The following CC2D2A variants were observed in gnomAD, a reference collection of about 807,000 sequenced individuals.
The protein encoded by CC2D2A is coiled-coil and C2 domain-containing protein 2A.
CC2D2A carries 155 observed loss-of-function variants against 212.9 expected under a neutral mutation model. That is an observed-to-expected ratio of 0.73 (90% CI 0.64 to 0.83). CC2D2A has a LOEUF of 0.83. Ranked by LOEUF, CC2D2A falls within the 40% of genes least tolerant of loss-of-function variation. The pLI is 0.00. For synonymous variants in CC2D2A, 667 were observed against 686.5 expected (o/e 0.97, Z 0.44); for missense variants, 1,856 against 1,956.2 (o/e 0.95, Z 0.97).
intron 4 of CC2D2A, among the ~76,000 whole-genome samples, chr4:15,486,167 G>A (rs1180114085): frequency 6.6e-6 from 1 of 151,986 alleles, no homozygotes; most frequent in Non-Finnish European, 1.5e-5. Context: ...GGATAATACT[G>A]CCCTTGTACC....
At chr4:15,556,499 T>C (rs1719288008) in intron 20 of CC2D2A, among the ~76,000 whole-genome samples, 1 of 152,226 alleles carries the variant, frequency 6.6e-6, no homozygotes, top group South Asian at 2.1e-4. Context: ...CACGTCACTT[T>C]CATTATTTTC....
In CC2D2A at chr4:15,575,512, G is replaced by C. The variant is rs1200911963; in HGVS notation, c.3771+1186G>C. Among the ~76,000 whole-genome samples the C allele has an allele frequency of 4.6e-5, 7 of 152,276 alleles. 1 individual carries two copies. In the South Asian group the frequency reaches 1.2e-3, roughly 27 times the overall value. Reference sequence around the variant, plus strand: ...GTTAACTACTAACCTATAGTGCACAGATTATTGTGCTTACTCTAGTCTATC... The same window carrying C: ...GTTAACTACTAACCTATAGTGCACACATTATTGTGCTTACTCTAGTCTATC... On this transcript the variant is annotated intron_variant, in intron 29 of 36. Transcript: ENST00000424120.
chr4:15,574,024 T>C (rs537332508), intron 28 of CC2D2A, 126 bp from the exon 29 acceptor site: 4 of 683,210 alleles, frequency 5.9e-6, no homozygotes. Context: ...AAAGATGGGA[T>C]TGGCTTTGAA....
In CC2D2A at chr4:15,555,106, G is replaced by T. The variant is rs1719211314; in HGVS notation, c.2521G>T (p.Gly841Cys). 9 of 1,613,518 alleles carry T rather than the reference G, an allele frequency of 5.6e-6. No homozygotes were observed. Among genetic ancestry groups the T allele is most frequent in the Non-Finnish European group, 7.6e-6 (9 of 1,179,718 alleles). ...GAAAGCAGATGCCATCTCATCTATT[G>T]GCACATCAGGACTGACAGACATGAA... ...LKKADAISSI[G>C]TSGLTDMKKL... Residue 841 changes from glycine to cysteine, a missense_variant, in exon 20 of 37, where the codon GGC becomes TGC. Physicochemically the swap from Gly to Cys is radical, Grantham distance 159. This residue lies in a region of CC2D2A where 1,512 missense variants were observed against 1,579.3 expected (regional missense o/e 0.96). Coordinates refer to ENST00000424120, the MANE Select transcript of CC2D2A (RefSeq NM_001378615.1).
intron 13 of CC2D2A, among the ~76,000 whole-genome samples, chr4:15,529,752 T>C (rs1160535050): frequency 6.6e-6 from 1 of 151,336 alleles, no homozygotes; most frequent in Non-Finnish European, 1.5e-5. Context: ...AAATATTATA[T>C]TTGTGTACCT....
At chr4:15,529,706 AAATTCTACTGT>A (rs1478869708) in intron 13 of CC2D2A, among the ~76,000 whole-genome samples, 1 of 151,426 alleles carries the variant, frequency 6.6e-6, no homozygotes, top group Non-Finnish European at 1.5e-5. Flanking sequence ...TTTATTATTT[AAATTCTACTGT>A]AATTCTACTG....
chr4:15,558,164 T>C (rs1719385566), intron 21 of CC2D2A, among the ~76,000 whole-genome samples: 1 of 152,134 alleles, frequency 6.6e-6, no homozygotes, highest in African/African-American at 2.4e-5. Context: ...TTTTTCTTTT[T>C]CCCTGCTTTT....
chr4:15,571,742 A>T (rs1282024508), intron 28 of CC2D2A, among the ~76,000 whole-genome samples: 1 of 152,224 alleles, frequency 6.6e-6, no homozygotes, highest in Non-Finnish European at 1.5e-5. Flanking sequence ...TTGTCAAAAT[A>T]ATTTACATTT....
At chr4:15,569,239 C>G in intron 26 of CC2D2A, 54 bp from the exon 27 acceptor site, 1 of 959,660 alleles carries the variant, frequency 1.0e-6, no homozygotes. Flanking sequence ...TTTGAATGCT[C>G]ATAATTTCTA....
At chr4:15,509,962 C>T (rs543337867) in intron 6 of CC2D2A, among the ~76,000 whole-genome samples, 177 bp from the exon 7 acceptor site, 1 of 152,294 alleles carries the variant, frequency 6.6e-6, no homozygotes, top group African/African-American at 2.4e-5. Context: ...TACAGGCTGT[C>T]GCTATGGAGC....
intron 4 of CC2D2A, among the ~76,000 whole-genome samples, chr4:15,484,423 T>C (rs955951343): frequency 2.6e-5 from 4 of 152,092 alleles, no homozygotes; most frequent in African/African-American, 9.7e-5. Flanking sequence ...ATTGGAGGGT[T>C]CAAGCCCAGG....
chr4:15,565,404 T>G (rs534428293), intron 24 of CC2D2A, among the ~76,000 whole-genome samples: 17 of 151,952 alleles, frequency 1.1e-4, no homozygotes, highest in African/African-American at 3.6e-4. Context: ...ATACGGTTTT[T>G]TTTTTTTTTT....
chr4:15,502,315 T>C, intron 4 of CC2D2A, 114 bp from the exon 5 acceptor site: 1 of 785,986 alleles, frequency 1.3e-6, no homozygotes, highest in East Asian at 2.7e-5. Context: ...CTCTTATTTC[T>C]TTTTTAATTT....
At position 15,569,327 on chromosome 4, in the gene CC2D2A, C is replaced by G; in HGVS notation, c.3433C>G (p.Gln1145Glu). Residue 1145 changes from glutamine to glutamate, a missense_variant, in exon 27 of 37, where the codon CAG becomes GAG. Around this residue, in one of 5 missense-constraint regions of CC2D2A, gnomAD observed 1,512 missense variants for 1,579.3 expected, o/e 0.96. Coordinates refer to ENST00000424120, the MANE Select transcript of CC2D2A (RefSeq NM_001378615.1). ...TGGAGATTATAGCACAGCCAGTCTGCAGTCAGTGAAAGATGTTGTGTTCAT... is the reference window on the plus strand; with the variant it reads ...TGGAGATTATAGCACAGCCAGTCTGGAGTCAGTGAAAGATGTTGTGTTCAT... ...PNGDYSTASL[Q>E]SVKDVVFINI... is the part of the protein sequence containing the mutation. The G allele has an allele frequency of 1.3e-6, 2 of 1,583,406 alleles. No individual in the cohort carries two copies.
At chr4:15,482,663 G>C (rs747122571) in intron 4 of CC2D2A, among the ~76,000 whole-genome samples, 11 of 152,156 alleles carry the variant, frequency 7.2e-5, no homozygotes, top group Non-Finnish European at 1.0e-4. Context: ...CAGATTGGGG[G>C]AGAAGGCTTC....
chr4:15,538,044 G>A lies in CC2D2A; in HGVS notation c.1910G>A (p.Arg637Lys), dbSNP rs561944265. The A allele has an allele frequency of 6.8e-6, 11 of 1,607,386 alleles. No homozygotes were observed. The South Asian group carries it at 1.2e-4, about 18-fold the overall frequency. Residue 637 changes from arginine (R) to lysine (K), a missense_variant, in exon 16 of 37, where the codon AGA becomes AAA. Around this residue, in one of 5 missense-constraint regions of CC2D2A, gnomAD observed 1,512 missense variants for 1,579.3 expected, o/e 0.96. Coordinates refer to ENST00000424120, the MANE Select transcript of CC2D2A (RefSeq NM_001378615.1). The part of the protein sequence containing the change: ...RAVIEQEVRE[R>K]AAQSRRRPWE... ...GTGATAGAGCAGGAGGTGAGGGAGAGAGCAGCCCAGAGCAGGAGGAGGCCT... is the reference window on the plus strand; with the variant it reads ...GTGATAGAGCAGGAGGTGAGGGAGAAAGCAGCCCAGAGCAGGAGGAGGCCT...
intron 6 of CC2D2A, among the ~76,000 whole-genome samples, chr4:15,503,762 A>G (rs1716104258): frequency 6.6e-6 from 1 of 152,214 alleles, no homozygotes; most frequent in Admixed American, 6.5e-5. Context: ...GGTGCTGGTG[A>G]GGAATCTCAA....
intron 20 of CC2D2A, 50 bp from the exon 21 acceptor site, chr4:15,557,254 G>T (rs750781643): frequency 3.8e-5 from 50 of 1,325,160 alleles, no homozygotes; most frequent in Non-Finnish European, 5.1e-5. Context: ...AAGTTTCTTT[G>T]GATGAGATCT....
intron 17 of CC2D2A, among the ~76,000 whole-genome samples, chr4:15,543,372 T>C (rs1034617279): frequency 6.6e-6 from 1 of 152,074 alleles, no homozygotes; most frequent in Non-Finnish European, 1.5e-5. Context: ...AAACATAATA[T>C]GAGTGAGAGG....
Sources: gnomAD v4.1 joint callset for allele counts (sites outside exome capture counted in the v4.1 genomes callset) on GRCh38, gnomAD v4.1.1 for gene constraint, gnomAD v4.1.1 regional missense constraint, MANE v1.5 for transcripts, NCBI Gene and HGNC (gene_info 2026-07-23, HGNC 2026-07-21) for gene names.